The following PTPN21 variants were observed in gnomAD, a reference collection of about 807,000 sequenced individuals.
PTPN21 encodes tyrosine-protein phosphatase non-receptor type 21.
PTPN21 carries 77 observed loss-of-function variants against 131.8 expected under a neutral mutation model. The ratio of observed to expected loss-of-function variants is 0.58; its 90% confidence interval spans 0.49 to 0.71. The LOEUF (loss-of-function observed/expected upper bound fraction) is 0.71, where lower values mean the gene tolerates loss of function less well. PTPN21 is among the 30% of genes least tolerant of loss of function. PTPN21 has a pLI of 0.00. For synonymous variants in PTPN21, 715 were observed against 621.3 expected (o/e 1.15, Z -2.24); for missense variants, 1,552 against 1,527.1 (o/e 1.02, Z -0.27).
chr14:88,511,193 A>G (rs61975276), intron 3 of PTPN21, among the ~76,000 whole-genome samples: 52,545 of 151,690 alleles, frequency 0.35, 9,655 homozygotes, highest in African/African-American at 0.48. Context: ...TGGGATTACA[A>G]GCATGAGCTA....
chr14:88,469,848 T>C lies in PTPN21; in HGVS notation c.3000+74A>G, dbSNP rs776918520. On this transcript the variant is annotated intron_variant, in intron 16 of 18. Coordinates refer to ENST00000556564, the MANE Select transcript of PTPN21 (RefSeq NM_007039.4). This position sits in a 1 kb window ranked among gnomAD's most constrained non-coding sequence, Gnocchi z 4.3. ...CCTACCCTGCCTTTTTCTCCACAGG[T>C]CAGGATTCCAGATGATTAACATTAA... 2 of 1,607,778 alleles carry C rather than the reference T, an allele frequency of 1.2e-6. No individual in the cohort carries two copies. The highest frequency in any genetic ancestry group is 1.7e-5 in the Admixed American group (1 of 59,996).
At chr14:88,477,762 T>C (rs750043534) in intron 13 of PTPN21, among the ~76,000 whole-genome samples, 10 of 152,014 alleles carry the variant, frequency 6.6e-5, no homozygotes, top group Non-Finnish European at 1.5e-4. Flanking sequence ...GTGCAGGGCA[T>C]GAGGAGTGGA....
At chr14:88,512,685 C>T (rs1236135398) in intron 3 of PTPN21, 1 of 152,228 alleles carries the variant, frequency 6.6e-6, no homozygotes, top group African/African-American at 2.4e-5. Context: ...CCATTAGCCA[C>T]ATGTGGCTAT....
chr14:88,496,579 G>T, intron 9 of PTPN21, 87 bp from the exon 10 acceptor site: 1 of 1,004,166 alleles, frequency 1.0e-6, no homozygotes, highest in Non-Finnish European at 1.6e-6. Context: ...AGACATAATG[G>T]GTGACATCAT....
intron 15 of PTPN21, 41 bp downstream of exon 15, chr14:88,472,203 A>G: frequency 9.1e-7 from 1 of 1,096,976 alleles, no homozygotes; most frequent in Non-Finnish European, 1.4e-6. Flanking sequence ...AACTTAACTG[A>G]AACTGCATGT....
intron 12 of PTPN21, among the ~76,000 whole-genome samples, chr14:88,481,870 G>A (rs1456309984): frequency 1.3e-5 from 2 of 152,160 alleles, no homozygotes; most frequent in Non-Finnish European, 2.9e-5. Context: ...ACAACAATGC[G>A]ACTAGTAATG....
In PTPN21 at chr14:88,469,221, G is replaced by C. The variant is rs562288175; in HGVS notation, c.3236-145C>G. 3 of 884,406 alleles carry C rather than the reference G, an allele frequency of 3.4e-6. No homozygotes were observed. The African/African-American group carries it at 5.1e-5, about 15-fold the overall frequency. 54.8% of individuals were successfully genotyped at this position (884,406 alleles called of 1,614,324 possible). On this transcript the variant is annotated intron_variant, in intron 17 of 18. Coordinates refer to ENST00000556564, the MANE Select transcript of PTPN21 (RefSeq NM_007039.4). This position sits in a 1 kb window ranked among gnomAD's most constrained non-coding sequence, Gnocchi z 4.3. The stretch of plus-strand genomic sequence containing the variant: ...AGTGAACCAAACCCAACCACAAAGG[G>C]ACAGTGTGACCCTGAGCAAGTCACT...
chr14:88,484,770 C>T (rs73314202), intron 12 of PTPN21, among the ~76,000 whole-genome samples: 5,611 of 152,148 alleles, frequency 0.037, 349 homozygotes, highest in African/African-American at 0.13. Context: ...TGCCTGTAGT[C>T]CCAGCTACTT....
intron 2 of PTPN21, among the ~76,000 whole-genome samples, chr14:88,543,810 G>A (rs1566853879): frequency 6.6e-6 from 1 of 152,110 alleles, no homozygotes; most frequent in Non-Finnish European, 1.5e-5. Context: ...AAATACCCTG[G>A]AGGTAATTTT....
At chr14:88,473,434 A>C (rs1358153275) in intron 14 of PTPN21, among the ~76,000 whole-genome samples, 1 of 152,234 alleles carries the variant, frequency 6.6e-6, no homozygotes, top group Non-Finnish European at 1.5e-5. Context: ...GAAGGTAAAA[A>C]AGAACACTGA....
intron 7 of PTPN21, 57 bp from the exon 8 acceptor site, chr14:88,500,928 G>T: frequency 8.1e-7 from 1 of 1,234,004 alleles, no homozygotes; most frequent in Non-Finnish European, 1.2e-6. Flanking sequence ...AGGAACTGCT[G>T]CTAGAGTTCC....
intron 13 of PTPN21, among the ~76,000 whole-genome samples, chr14:88,475,361 A>C (rs2140090565): frequency 6.6e-6 from 1 of 152,318 alleles, no homozygotes; most frequent in South Asian, 2.1e-4. Context: ...TCAATAAGCT[A>C]AGTGGATTAA....
In PTPN21 at chr14:88,501,178, C is replaced by G. The variant is rs1019395557; in HGVS notation, c.675+103G>C. 3.8e-6 allele frequency: 4 copies of G among 1,052,740 alleles called. No homozygotes were observed. In the South Asian group the frequency reaches 4.3e-5, roughly 11 times the overall value. The allele number at this position is 1,052,740 out of a possible 1,614,324, so 65.2% of individuals were successfully genotyped here. On this transcript the variant is annotated intron_variant, in intron 7 of 18. Coordinates refer to ENST00000556564, the MANE Select transcript of PTPN21 (RefSeq NM_007039.4). ...GCTTTTAAGTTTCCAGAGTTTTGCA[C>G]GTCCTCAGCCTTTGCACATAAGGAC...
intron 2 of PTPN21, among the ~76,000 whole-genome samples, chr14:88,521,161 T>A (rs2139321532): frequency 6.6e-6 from 1 of 152,204 alleles, no homozygotes; most frequent in African/African-American, 2.4e-5. Flanking sequence ...ACTATATTTT[T>A]AAAAATATCA....
intron 2 of PTPN21, 35 bp downstream of exon 2, chr14:88,550,203 C>G (rs368657727): frequency 6.3e-7 from 1 of 1,591,220 alleles, no homozygotes; most frequent in East Asian, 2.2e-5. Flanking sequence ...CTTGAGCCAC[C>G]CGCGCCTGGC....
intron 10 of PTPN21, among the ~76,000 whole-genome samples, chr14:88,486,495 A>G: frequency 6.6e-6 from 1 of 152,172 alleles, no homozygotes. Flanking sequence ...CCTAGACAAC[A>G]TAGTGAGACC....
At chr14:88,536,988 T>G (rs1397608567) in intron 2 of PTPN21, among the ~76,000 whole-genome samples, 2 of 152,306 alleles carry the variant, frequency 1.3e-5, no homozygotes, top group Admixed American at 6.5e-5. Context: ...TGACAGATAG[T>G]GGCGGTCACA....
chr14:88,546,955 T>C (rs1469889444), intron 2 of PTPN21, among the ~76,000 whole-genome samples: 2 of 152,184 alleles, frequency 1.3e-5, no homozygotes. Flanking sequence ...TACATTTATG[T>C]TGGAAATTGT....
At chr14:88,552,783 TAAGTA>T (rs1283799995) in intron 1 of PTPN21, among the ~76,000 whole-genome samples, 1 of 152,130 alleles carries the variant, frequency 6.6e-6, no homozygotes, top group Non-Finnish European at 1.5e-5. Context: ...ATAAACTAAA[TAAGTA>T]AAGCAAGATG....
Sources: allele counts gnomAD v4.1 joint callset (sites outside exome capture counted in the v4.1 genomes callset), GRCh38; gene constraint gnomAD v4.1.1; non-coding constraint Gnocchi (gnomAD v3.1); transcripts MANE v1.5; gene names NCBI Gene and HGNC (gene_info 2026-07-23, HGNC 2026-07-21).